Variants in WDR37 observed in about 807,000 individuals in gnomAD.
The protein encoded by WDR37 is WD repeat-containing protein 37.
WDR37 carries 19 observed loss-of-function variants against 62.9 expected under a neutral mutation model. That is an observed-to-expected ratio of 0.30 (90% CI 0.21 to 0.44). The LOEUF (loss-of-function observed/expected upper bound fraction) is 0.44, where lower values mean the gene tolerates loss of function less well. Ranked by LOEUF, WDR37 falls within the 20% of genes least tolerant of loss-of-function variation. The pLI, the probability that WDR37 is intolerant of heterozygous loss-of-function variation, is 1.00. For missense variants in WDR37, 474 were observed against 657.6 expected (o/e 0.72, Z 3.05); for synonymous variants, 250 against 260.9 (o/e 0.96, Z 0.40).
chr10:1,084,833 C>T (rs1834149364), intron 6 of WDR37, among the ~76,000 whole-genome samples: 1 of 152,230 alleles, frequency 6.6e-6, no homozygotes, highest in South Asian at 2.1e-4. Flanking sequence ...TGCATCTGCA[C>T]CCTGTCTTTT....
At chr10:1,070,120 C>G (rs1271493594) in intron 1 of WDR37, among the ~76,000 whole-genome samples, 1 of 150,564 alleles carries the variant, frequency 6.6e-6, no homozygotes, top group African/African-American at 2.4e-5. Flanking sequence ...GCACGAGATT[C>G]TTGCTTGAAC....
intron 12 of WDR37, 141 bp downstream of exon 12, chr10:1,124,493 T>C (rs1835678271): frequency 8.0e-7 from 1 of 1,244,390 alleles, no homozygotes; most frequent in East Asian, 2.5e-5. Context: ...TAATGCAGTT[T>C]CAGTATTCCA....
At chr10:1,074,379 CAG>C in intron 2 of WDR37, 1 of 1,288,814 alleles carries the variant, frequency 7.8e-7, no homozygotes, top group South Asian at 1.3e-5. Context: ...GAAGGTAGCT[CAG>C]AGGTCTCCAA....
At chr10:1,125,203 T>C (rs1835700608) in intron 13 of WDR37, 179 bp downstream of exon 13, 1 of 720,464 alleles carries the variant, frequency 1.4e-6, no homozygotes, top group Non-Finnish European at 1.7e-6. Context: ...ACTCAAGTTA[T>C]TCCACACCTA....
chr10:1,116,997 T>C (rs920535439), intron 11 of WDR37, among the ~76,000 whole-genome samples: 5 of 152,034 alleles, frequency 3.3e-5, no homozygotes, highest in Non-Finnish European at 5.9e-5. Context: ...TGTCCTGTGA[T>C]ATGAACCTAA....
At chr10:1,076,175 A>G (rs1833872652) in intron 2 of WDR37, among the ~76,000 whole-genome samples, 2 of 151,870 alleles carry the variant, frequency 1.3e-5, no homozygotes, top group Non-Finnish European at 2.9e-5. Context: ...AAGGATGTTT[A>G]GAGGCTATAG....
At chr10:1,076,781 G>A (rs1294119962) in intron 2 of WDR37, among the ~76,000 whole-genome samples, 7 of 151,906 alleles carry the variant, frequency 4.6e-5, no homozygotes, top group African/African-American at 1.2e-4. Context: ...AGTGGCTCAC[G>A]CCTGTAATTC....
rs1307466740 is a variant in WDR37, at chr10:1,131,685, TGTGTG to T, written c.*2342_*2346del. 4.4e-5 allele frequency: 3 copies of T among 68,624 alleles called. No individual in the cohort carries two copies. 4.3% of individuals were successfully genotyped at this position (68,624 alleles called of 1,614,324 possible). On this transcript the variant is annotated 3_prime_UTR_variant, in exon 14 of 14. Coordinates refer to ENST00000263150, the MANE Select transcript of WDR37 (RefSeq NM_014023.4). Reference sequence around the variant, plus strand: ...GAGTCACAGACAAGATCGGGGATGGTGTGTGTGTGTGTGTGTGTGTGTGTGTGCAC... The same window carrying T: ...GAGTCACAGACAAGATCGGGGATGGTTGTGTGTGTGTGTGTGTGTGTGCAC...
chr10:1,080,882 G>A (rs1433397549), intron 5 of WDR37, among the ~76,000 whole-genome samples: 4 of 151,548 alleles, frequency 2.6e-5, no homozygotes, highest in Non-Finnish European at 1.5e-5. Context: ...CTCTAGCCTG[G>A]GCAACAGAGC....
chr10:1,081,851 A>G (rs1834039945), intron 5 of WDR37, among the ~76,000 whole-genome samples: 1 of 152,200 alleles, frequency 6.6e-6, no homozygotes, highest in South Asian at 2.1e-4. Context: ...GAATTCCAAA[A>G]CTTTCTCATT....
rs1476003057 is a variant in WDR37 at position 1,056,713 on chromosome 10, A to G, written c.-296A>G. 6.6e-6 allele frequency: 1 copy of G among 152,236 alleles called. No individual in the cohort carries two copies. The highest frequency in any genetic ancestry group is 1.9e-4 in the East Asian group (1 of 5,188). 9.4% of individuals were successfully genotyped at this position (152,236 alleles called of 1,614,324 possible). On this transcript the variant is annotated 5_prime_UTR_variant, in exon 1 of 14. Coordinates refer to ENST00000263150, the MANE Select transcript of WDR37 (RefSeq NM_014023.4). ...GCTGCGGGGCGGAAGCCGGGGCGTG[A>G]CTTCCGGCGCCGCCGGGTGTGGGGC...
chr10:1,059,364 G>A (rs1200004484), intron 1 of WDR37, among the ~76,000 whole-genome samples: 4 of 152,164 alleles, frequency 2.6e-5, no homozygotes, highest in Non-Finnish European at 5.9e-5. Flanking sequence ...GAGACAGAGC[G>A]AGATTCTGTG....
At chr10:1,074,233 C>T in intron 2 of WDR37, 1 of 897,410 alleles carries the variant, frequency 1.1e-6, no homozygotes, top group South Asian at 1.8e-5. Flanking sequence ...GCAGTGGAAA[C>T]CCTGCAGCCT....
intron 2 of WDR37, among the ~76,000 whole-genome samples, chr10:1,077,592 C>T (rs1019326109): frequency 2.6e-5 from 4 of 152,076 alleles, no homozygotes; most frequent in Admixed American, 6.6e-5. Flanking sequence ...GAGCTGCCGC[C>T]TTTCTCTCCA....
In WDR37 at chr10:1,121,958, T is replaced by C. The variant is rs1835595177; in HGVS notation, c.1104-2260T>C. ...GTAGCTTTGCTGTACTTTGATGTTA[T>C]ATTTTTAAAAACCTTGTCTTAATGC... On this transcript the variant is annotated intron_variant, in intron 11 of 13. Coordinates refer to ENST00000263150, the MANE Select transcript of WDR37 (RefSeq NM_014023.4). The surrounding 1 kb of genome is among the most constrained non-coding windows in gnomAD (Gnocchi z 4.5). Among the ~76,000 whole-genome samples, 1 of 152,116 alleles carries C rather than the reference T, an allele frequency of 6.6e-6. No homozygotes were observed. Among genetic ancestry groups the C allele is most frequent in the Non-Finnish European group, 1.5e-5 (1 of 68,020 alleles).
intron 5 of WDR37, 69 bp downstream of exon 5, chr10:1,080,545 T>G: frequency 6.5e-7 from 1 of 1,531,768 alleles, no homozygotes; most frequent in Non-Finnish European, 8.9e-7. Flanking sequence ...CTTTAAGTTG[T>G]TTATTTTCCA....
chr10:1,058,087 G>GTA lies in WDR37; in HGVS notation c.-41+1119_-41+1120insTA, dbSNP rs370967462. On this transcript the variant is annotated intron_variant, in intron 1 of 13. Transcript: ENST00000263150. The stretch of plus-strand genomic sequence containing the variant: ...GGAGTTAAACACGGTATGTAAATAT[G>GTA]AACTCACCAATGTGGAACAAATGGA... Among the ~76,000 whole-genome samples the GTA allele has an allele frequency of 5.6e-4, 85 of 152,002 alleles. 4 individuals are homozygous for GTA. In the South Asian group the frequency reaches 0.017, roughly 31 times the overall value.
chr10:1,060,498 C>T (rs1833342902), intron 1 of WDR37, among the ~76,000 whole-genome samples: 1 of 152,112 alleles, frequency 6.6e-6, no homozygotes, highest in Non-Finnish European at 1.5e-5. Flanking sequence ...CTCCATAAGC[C>T]TTCTTTGTAA....
intron 3 of WDR37, among the ~76,000 whole-genome samples, chr10:1,079,245 T>G (rs1016360753): frequency 2.0e-5 from 3 of 150,882 alleles, no homozygotes; most frequent in African/African-American, 7.3e-5. Flanking sequence ...CCACCATGCC[T>G]GGCTAATTTT....
Sources: allele counts gnomAD v4.1 joint callset (sites outside exome capture counted in the v4.1 genomes callset), GRCh38; gene constraint gnomAD v4.1.1; non-coding constraint Gnocchi (gnomAD v3.1); transcripts MANE v1.5; gene names NCBI Gene and HGNC (gene_info 2026-07-23, HGNC 2026-07-21).